POU2F2: variants seen among roughly 807,000 people sequenced by gnomAD.
POU2F2 encodes POU class 2 homeobox 2, also known as POU domain, class 2, transcription factor 2.
POU2F2 carries 14 observed loss-of-function variants against 63.5 expected under a neutral mutation model. The observed-to-expected ratio is 0.22, with a 90% CI of 0.15 to 0.34. POU2F2 has a LOEUF of 0.34. Ranked by LOEUF, POU2F2 falls within the 10% of genes least tolerant of loss-of-function variation. POU2F2 has a pLI of 1.00. For synonymous variants in POU2F2, 306 were observed against 348.6 expected (o/e 0.88, Z 1.36); for missense variants, 607 against 815.2 (o/e 0.74, Z 3.11).
At chr19:42,108,157 C>T (rs2030434144) in intron 5 of POU2F2, among the ~76,000 whole-genome samples, 1 of 152,196 alleles carries the variant, frequency 6.6e-6, no homozygotes, top group Non-Finnish European at 1.5e-5. Flanking sequence ...TGCTTCCTGC[C>T]TATCTCCCCA....
At chr19:42,098,405 T>C (rs1599955774) in intron 7 of POU2F2, among the ~76,000 whole-genome samples, 2 of 125,756 alleles carry the variant, frequency 1.6e-5, no homozygotes, top group Admixed American at 1.8e-4. Context: ...AGAGCGAGAC[T>C]CCATCTCAAA....
chr19:42,183,744 A>G (rs1380257156), intron 1 of POU2F2, among the ~76,000 whole-genome samples: 3 of 152,164 alleles, frequency 2.0e-5, no homozygotes, highest in Non-Finnish European at 4.4e-5. Flanking sequence ...TAAGACCTGA[A>G]GGATAAACAG....
At chr19:42,193,782 C>T in intron 1 of POU2F2, among the ~76,000 whole-genome samples, 1 of 152,174 alleles carries the variant, frequency 6.6e-6, no homozygotes, top group Admixed American at 6.5e-5. Context: ...GAAACATAAG[C>T]ATTTGTTCAC....
chr19:42,171,040 C>T (rs2034753817), intron 1 of POU2F2, among the ~76,000 whole-genome samples: 1 of 152,284 alleles, frequency 6.6e-6, no homozygotes, highest in South Asian at 2.1e-4. Flanking sequence ...CCGTCCGGAC[C>T]AATGGAACCC....
At chr19:42,147,620 G>T (rs997750930) in intron 2 of POU2F2, among the ~76,000 whole-genome samples, 1 of 152,218 alleles carries the variant, frequency 6.6e-6, no homozygotes, top group African/African-American at 2.4e-5. Flanking sequence ...GACTTAAATG[G>T]ATCCTGCATA....
intron 1 of POU2F2, among the ~76,000 whole-genome samples, chr19:42,173,898 T>C (rs1247196960): frequency 6.6e-6 from 1 of 152,168 alleles, no homozygotes; most frequent in East Asian, 1.9e-4. Context: ...AGATGTGGAA[T>C]CGCATTATCA....
chr19:42,092,702 C>G lies in POU2F2; in HGVS notation c.1265-432G>C, dbSNP rs2076767606. On this transcript the variant is annotated intron_variant, in intron 12 of 14. Coordinates refer to ENST00000692977, the MANE Select transcript of POU2F2 (RefSeq NM_001394376.1). The surrounding 1 kb of genome is among the most constrained non-coding windows in gnomAD (Gnocchi z 5.0). ...ACTGCTGGGGTAGAAACTCCTGGCT[C>G]TGTCTCATCCCAGTGGTGCCCTTGG... Among the ~76,000 whole-genome samples the G allele has an allele frequency of 6.6e-6, 1 of 152,108 alleles. No homozygotes were observed. Among genetic ancestry groups the G allele is most frequent in the African/African-American group, 2.4e-5 (1 of 41,402 alleles).
chr19:42,161,353 G>A (rs1438731321), intron 1 of POU2F2, among the ~76,000 whole-genome samples: 1 of 152,122 alleles, frequency 6.6e-6, no homozygotes, highest in African/African-American at 2.4e-5. Context: ...CCAGGGCTTC[G>A]TCAGAGAGGG....
At chr19:42,093,069 G>T (rs1230079481) in intron 12 of POU2F2, among the ~76,000 whole-genome samples, 1 of 134,582 alleles carries the variant, frequency 7.4e-6, no homozygotes, top group African/African-American at 2.8e-5. Flanking sequence ...AGAGTGCAGT[G>T]GTGTGATCTC....
In POU2F2 at chr19:42,091,111, T is replaced by TG; in HGVS notation, c.*145dup. The TG allele has an allele frequency of 3.6e-6, 2 of 548,656 alleles. No individual in the cohort carries two copies. Among genetic ancestry groups the TG allele is most frequent in the Admixed American group, 3.9e-5 (1 of 25,336 alleles). 34.0% of individuals were successfully genotyped at this position (548,656 alleles called of 1,614,324 possible). On this transcript the variant is annotated 3_prime_UTR_variant, in exon 15 of 15. Coordinates refer to ENST00000692977, the MANE Select transcript of POU2F2 (RefSeq NM_001394376.1). ...TTTCTTTCCTTTTTTTTTTTTTTTT[T>TG]GGTTGGTTGTTTTTTTGGTCTTTCC...
In POU2F2 at chr19:42,153,852, G is replaced by A. The variant is rs1372375639; in HGVS notation, c.-9+6480C>T. 1.3e-5 allele frequency among the ~76,000 whole-genome samples: 2 copies of A among 152,084 alleles called. No homozygotes were observed. Among genetic ancestry groups the A allele is most frequent in the Non-Finnish European group, 2.9e-5 (2 of 68,010 alleles). ...TGGCGAGGCAGCAGGGGCTGCCACG[G>A]AGACACTGGCTAGCCGGTTTTATCA... is the stretch of plus-strand genomic sequence containing the variant. On this transcript the variant is annotated intron_variant, in intron 2 of 6. Transcript: ENST00000524801. This position sits in a 1 kb window ranked among gnomAD's most constrained non-coding sequence, Gnocchi z 5.6.
At chr19:42,166,150 G>A (rs1175529949) in intron 1 of POU2F2, among the ~76,000 whole-genome samples, 1 of 152,202 alleles carries the variant, frequency 6.6e-6, no homozygotes, top group Non-Finnish European at 1.5e-5. Context: ...TGCAGAAAAG[G>A]ATCGAGCACA....
chr19:42,171,431 C>CTT (rs1214603539), intron 1 of POU2F2, among the ~76,000 whole-genome samples: 7,431 of 138,610 alleles, frequency 0.054, 624 homozygotes, highest in African/African-American at 0.18. Flanking sequence ...GGCTGCGCTT[C>CTT]GTGTGTGTGT....
chr19:42,087,881 A>C lies in POU2F2; in HGVS notation c.*3376T>G, dbSNP rs1308908300. 1 of 152,052 alleles carries C rather than the reference A, an allele frequency of 6.6e-6. No homozygotes were observed. Among genetic ancestry groups the C allele is most frequent in the African/African-American group, 2.4e-5 (1 of 41,362 alleles). 9.4% of individuals were successfully genotyped at this position (152,052 alleles called of 1,614,324 possible). A position where few individuals can be genotyped will look rare whatever the true frequency, so the allele number is the denominator to read the frequency against. On this transcript the variant is annotated 3_prime_UTR_variant, in exon 15 of 15. Coordinates refer to ENST00000692977, the MANE Select transcript of POU2F2 (RefSeq NM_001394376.1). The stretch of plus-strand genomic sequence containing the variant: ...CGCTCATACACAGACACACGGACAC[A>C]GGCTCTGTACAGACCACAAAATAAA...
Position 42,096,055 on chromosome 19 carries a change from C to A in POU2F2, c.729+27G>T, listed in dbSNP as rs546603089. On this transcript the variant is annotated intron_variant, in intron 8 of 14. Transcript: ENST00000692977. This position sits in a 1 kb window ranked among gnomAD's most constrained non-coding sequence, Gnocchi z 4.1. ...CAACTGGCCACGCCCCCACGCCCACCGCCCAGCCTGCAAGGTGCCTCCAGA... is the reference window on the plus strand; with the variant it reads ...CAACTGGCCACGCCCCCACGCCCACAGCCCAGCCTGCAAGGTGCCTCCAGA... 1.9e-6 allele frequency: 3 copies of A among 1,611,578 alleles called. No homozygotes were observed. Among genetic ancestry groups the A allele is most frequent in the South Asian group, 1.1e-5 (1 of 90,868 alleles).
chr19:42,099,650 G>T lies in POU2F2; in HGVS notation c.476-32C>A, dbSNP rs560481447. ...AGACAAGGGGAAATACACAGGGTGAGGGGGAGGGGAAGGTGAGGAAGTTCT... is the reference window on the plus strand; with the variant it reads ...AGACAAGGGGAAATACACAGGGTGATGGGGAGGGGAAGGTGAGGAAGTTCT... On this transcript the variant is annotated intron_variant, in intron 6 of 14. Transcript: ENST00000692977. 3.2e-5 allele frequency: 52 copies of T among 1,606,144 alleles called. 1 individual carries two copies. The East Asian group carries it at 6.9e-4, about 21-fold the overall frequency.
At chr19:42,132,449 C>T, upstream of POU2F2, 1 of 1,452,038 alleles carries the variant, frequency 6.9e-7, no homozygotes, top group Non-Finnish European at 9.1e-7. Flanking sequence ...ACAACTGTGT[C>T]ATCTCCCCAC....
intron 1 of POU2F2, among the ~76,000 whole-genome samples, chr19:42,195,153 G>A (rs1246543284): frequency 1.5e-5 from 2 of 136,060 alleles, no homozygotes; most frequent in Non-Finnish European, 3.2e-5. Context: ...GAGGGAGGGA[G>A]GGAAAGAAGG....
At chr19:42,120,961 G>A (rs755150649) in intron 4 of POU2F2, among the ~76,000 whole-genome samples, 7 of 152,174 alleles carry the variant, frequency 4.6e-5, no homozygotes, top group Non-Finnish European at 1.0e-4. Flanking sequence ...ACACAGAAGA[G>A]ATGGAGAGAA....
Sources: allele counts gnomAD v4.1 joint callset (sites outside exome capture counted in the v4.1 genomes callset), GRCh38; gene constraint gnomAD v4.1.1; non-coding constraint Gnocchi (gnomAD v3.1); transcripts MANE v1.5; gene names NCBI Gene and HGNC (gene_info 2026-07-23, HGNC 2026-07-21).